The following PSEN1 variants were observed in gnomAD, a reference collection of about 807,000 sequenced individuals.
PSEN1 encodes the protein presenilin 1, also known as presenilin-1.
In PSEN1, 15 loss-of-function variants were observed where a neutral mutation model predicts 53.5. The ratio of observed to expected loss-of-function variants is 0.28; its 90% CI spans 0.19 to 0.43. PSEN1 has a LOEUF of 0.43. PSEN1 is among the 20% of genes least tolerant of loss of function. The pLI is 1.00. For missense variants in PSEN1, 387 were observed against 571.2 expected, an observed-to-expected ratio of 0.68 and a Z score of 3.29; for synonymous variants, 208 against 209.8, an observed-to-expected ratio of 0.99 and a Z score of 0.08.
At position 73,170,994 on chromosome 14, in the gene PSEN1, G is replaced by T; in HGVS notation, c.285G>T (p.Val95=). 1.2e-6 allele frequency: 2 copies of T among 1,614,176 alleles called. No homozygotes were observed. The highest frequency in any genetic ancestry group is 1.7e-6 in the Non-Finnish European group (2 of 1,180,018). Residue 95 remains valine, a synonymous_variant, in exon 4 of 12, where the codon GTG becomes GTT. Transcript: ENST00000324501. ...LFVPVTLCMV[V]VVATIKSVSF... ...TCCCTGTGACTCTCTGCATGGTGGT[G>T]GTCGTGGCTACCATTAAGTCAGTCA...
intron 7 of PSEN1, among the ~76,000 whole-genome samples, chr14:73,196,169 A>C (rs1266281437): frequency 6.6e-6 from 1 of 152,200 alleles, no homozygotes; most frequent in Non-Finnish European, 1.5e-5. Context: ...AGCAAAAGCA[A>C]TTTTAATTTA....
intron 4 of PSEN1, among the ~76,000 whole-genome samples, chr14:73,172,657 C>T (rs991806189): frequency 6.6e-6 from 1 of 152,210 alleles, no homozygotes; most frequent in African/African-American, 2.4e-5. Context: ...TTAAAATATT[C>T]AGTCTGGCTT....
intron 5 of PSEN1, among the ~76,000 whole-genome samples, chr14:73,179,106 T>C (rs1296947088): frequency 1.3e-5 from 2 of 152,216 alleles, no homozygotes; most frequent in African/African-American, 4.8e-5. Context: ...CCCTTTTCCA[T>C]TCCTGCAGCC....
chr14:73,212,521 C>T (rs1009929399), intron 10 of PSEN1, among the ~76,000 whole-genome samples: 1 of 152,134 alleles, frequency 6.6e-6, no homozygotes, highest in Non-Finnish European at 1.5e-5. Context: ...GGCCGTAATA[C>T]ATTTGTCTAC....
Position 73,147,844 on chromosome 14 carries a change from A to G in PSEN1, c.-86A>G. On this transcript the variant is annotated 5_prime_UTR_variant, in exon 2 of 12. Coordinates refer to ENST00000324501, the MANE Select transcript of PSEN1 (RefSeq NM_000021.4). The stretch of plus-strand genomic sequence containing the variant: ...ACAACAGCCTTTGCGGTCCTTAGAC[A>G]GCTTGGCCTGGAGGAGAACACATGA... 1 of 633,420 alleles carries G rather than the reference A, an allele frequency of 1.6e-6. No individual in the cohort carries two copies. The highest frequency in any genetic ancestry group is 2.8e-6 in the Non-Finnish European group (1 of 353,474). The allele number at this position is 633,420 out of a possible 1,614,324, so 39.2% of individuals were successfully genotyped here.
chr14:73,149,514 AT>A (rs1205241566), intron 3 of PSEN1, among the ~76,000 whole-genome samples: 1 of 152,118 alleles, frequency 6.6e-6, no homozygotes, highest in Non-Finnish European at 1.5e-5. Context: ...CACTCTGAAG[AT>A]TTAGGATTCT....
At chr14:73,211,686 C>G in intron 9 of PSEN1, 83 bp from the exon 10 acceptor site, 1 of 1,449,190 alleles carries the variant, frequency 6.9e-7, no homozygotes, top group Admixed American at 1.7e-5. Flanking sequence ...ACAATGACAG[C>G]TAGTTACTGT....
At chr14:73,201,274 A>G (rs1296642485) in intron 8 of PSEN1, among the ~76,000 whole-genome samples, 1 of 151,960 alleles carries the variant, frequency 6.6e-6, no homozygotes, top group East Asian at 2.0e-4. Flanking sequence ...TTTTAGTAGC[A>G]ACGGGGTTTC....
intron 1 of PSEN1, among the ~76,000 whole-genome samples, chr14:73,144,306 C>T (rs1897009799): frequency 6.6e-6 from 1 of 152,054 alleles, no homozygotes; most frequent in Non-Finnish European, 1.5e-5. Flanking sequence ...TCCCAAAGTG[C>T]TGGGATTACA....
intron 3 of PSEN1, among the ~76,000 whole-genome samples, chr14:73,162,464 C>CCTTCT (rs56383209): frequency 6.9e-6 from 1 of 145,620 alleles, no homozygotes; most frequent in Admixed American, 6.8e-5. Context: ...CTCTCTCTCT[C>CCTTCT]CATGAGAAGG....
intron 5 of PSEN1, among the ~76,000 whole-genome samples, chr14:73,184,948 T>C (rs1225991979): frequency 4.0e-4 from 41 of 101,618 alleles, no homozygotes; most frequent in African/African-American, 1.1e-3. Context: ...CGGGCAGAGG[T>C]GCTCCTCACA....
chr14:73,159,419 C>T (rs760972818), intron 3 of PSEN1, among the ~76,000 whole-genome samples: 1 of 152,114 alleles, frequency 6.6e-6, no homozygotes, highest in Non-Finnish European at 1.5e-5. Flanking sequence ...TTCAAGTTCT[C>T]AGGAGTTTTT....
intron 3 of PSEN1, among the ~76,000 whole-genome samples, chr14:73,156,254 G>A (rs1050630458): frequency 5.9e-5 from 9 of 152,034 alleles, no homozygotes; most frequent in Non-Finnish European, 1.0e-4. Context: ...TACTTGGGAG[G>A]CTGAGGTCGG....
Position 73,211,936 on chromosome 14 carries a change from G to A in PSEN1, c.1123G>A (p.Glu375Lys). The part of the protein sequence containing the change: ...SSSILAGEDP[E>K]ERGVKLGLGD... ...CAGTATCCTCGCTGGTGAAGACCCA[G>A]AGGAAAGTATGTGCATTTCTCTATG... Residue 375 changes from glutamate to lysine, a missense_variant, in exon 10 of 12, where the codon GAG (glutamate) becomes AAG (lysine). Physicochemically the swap from Glu to Lys is moderately conservative, Grantham distance 56. This residue lies in a region of PSEN1 where 75 missense variants were observed against 63.7 expected (regional missense o/e 1.18). Coordinates refer to ENST00000324501, the MANE Select transcript of PSEN1 (RefSeq NM_000021.4). 1 of 1,613,868 alleles carries A rather than the reference G, an allele frequency of 6.2e-7. No homozygotes were observed. The highest frequency in any genetic ancestry group is 8.5e-7 in the Non-Finnish European group (1 of 1,179,908).
chr14:73,175,513 G>C (rs745495564), intron 5 of PSEN1, among the ~76,000 whole-genome samples: 2 of 151,998 alleles, frequency 1.3e-5, no homozygotes, highest in Admixed American at 6.6e-5. Flanking sequence ...AAATGTAGGA[G>C]TCTACTCTGT....
rs560449246 is a variant in PSEN1 at position 73,174,577 on chromosome 14, A to G, written c.480+870A>G. Among the ~76,000 whole-genome samples the G allele has an allele frequency of 4.6e-5, 7 of 152,320 alleles. No homozygotes were observed. In the South Asian group the frequency reaches 1.5e-3, roughly 32 times the overall value. ...TTGATTGACAGTATACTGAAGAAAT[A>G]TACTCTAAGACCTTTATGAATCTCC... On this transcript the variant is annotated intron_variant, in intron 5 of 11. Transcript: ENST00000324501.
chr14:73,195,592 A>C (rs544612439), intron 7 of PSEN1, among the ~76,000 whole-genome samples: 1 of 151,686 alleles, frequency 6.6e-6, no homozygotes, highest in South Asian at 2.1e-4. Context: ...TCTATCAGTA[A>C]ATTTTTTTCT....
chr14:73,166,378 CT>C (rs2140025206), intron 3 of PSEN1, among the ~76,000 whole-genome samples: 1 of 152,302 alleles, frequency 6.6e-6, no homozygotes, highest in Non-Finnish European at 1.5e-5. Context: ...ATTCCTACCT[CT>C]GCTGTTTTCT....
Position 73,187,309 on chromosome 14 carries a change from CTT to C in PSEN1, c.548+390_548+391del, listed in dbSNP as rs1408138601. 2.0e-5 allele frequency among the ~76,000 whole-genome samples: 3 copies of C among 152,112 alleles called. No individual in the cohort carries two copies. The East Asian group carries it at 5.8e-4, about 29-fold the overall frequency. ...GACTCTTTTTTCTTTCAAATGAAAT[CTT>C]ATATGAAATTTTCATATATAATATA... On this transcript the variant is annotated intron_variant, in intron 6 of 11. Coordinates refer to ENST00000324501, the MANE Select transcript of PSEN1 (RefSeq NM_000021.4).
Sources: allele counts gnomAD v4.1 joint callset (sites outside exome capture counted in the v4.1 genomes callset), GRCh38; gene constraint gnomAD v4.1.1; regional missense constraint gnomAD v4.1.1; transcripts MANE v1.5; gene names NCBI Gene and HGNC (gene_info 2026-07-23, HGNC 2026-07-21).